The following GPM6A variants were observed in gnomAD, a reference collection of about 807,000 sequenced individuals.
GPM6A encodes glycoprotein M6A.
In GPM6A, 7 loss-of-function variants were observed where a neutral mutation model predicts 32.1. That is an observed-to-expected ratio of 0.22 (90% CI 0.12 to 0.41). The LOEUF is 0.41. Ranked by LOEUF, GPM6A falls within the 10% of genes least tolerant of loss-of-function variation. The pLI is 1.00. For missense variants in GPM6A, 235 were observed against 347.2 expected (o/e 0.68, Z 2.57); for synonymous variants, 130 against 123.4 (o/e 1.05, Z -0.35).
chr4:175,779,241 C>G (rs1191511911), intron 1 of GPM6A, among the ~76,000 whole-genome samples: 1 of 152,088 alleles, frequency 6.6e-6, no homozygotes, highest in Non-Finnish European at 1.5e-5. Flanking sequence ...CAATCGTTAC[C>G]CATTTGATGT....
intron 1 of GPM6A, among the ~76,000 whole-genome samples, chr4:175,977,861 A>G (rs1380394657): frequency 6.6e-6 from 1 of 152,128 alleles, no homozygotes; most frequent in Non-Finnish European, 1.5e-5. Flanking sequence ...GTGACTCCCA[A>G]CTGAACTCTT....
Position 175,902,818 on chromosome 4 carries a change from G to A in GPM6A, c.-22-90569C>T, listed in dbSNP as rs1738009734. ...CTTCTGCTCTTAACGTCACGCTGGT[G>A]TGTCTGCGCCCTAGTTTTCCGTGGC... On this transcript the variant is annotated intron_variant, in intron 1 of 7. Transcript: ENST00000280187. Among the ~76,000 whole-genome samples, 4 of 152,128 alleles carry A rather than the reference G, an allele frequency of 2.6e-5. No individual in the cohort carries two copies. In the South Asian group the frequency reaches 8.3e-4, roughly 32 times the overall value.
At chr4:175,751,754 T>TTTG (rs1553985554) in intron 1 of GPM6A, among the ~76,000 whole-genome samples, 10 of 152,090 alleles carry the variant, frequency 6.6e-5, no homozygotes, top group African/African-American at 2.2e-4. Context: ...TGTTTTTTTT[T>TTTG]TTGTTGTTGT....
intron 4 of GPM6A, among the ~76,000 whole-genome samples, chr4:175,651,159 C>T (rs1741779937): frequency 6.6e-6 from 1 of 152,144 alleles, no homozygotes; most frequent in African/African-American, 2.4e-5. Flanking sequence ...AACAACCCCA[C>T]TGTGCCTCAG....
chr4:175,663,782 G>A (rs1383633174), intron 3 of GPM6A, among the ~76,000 whole-genome samples: 1 of 149,202 alleles, frequency 6.7e-6, no homozygotes, highest in Non-Finnish European at 1.5e-5. Context: ...CAAGCTCCAC[G>A]TCCTGGGTTC....
At chr4:175,974,672 G>C (rs1281004169) in intron 1 of GPM6A, among the ~76,000 whole-genome samples, 1 of 149,160 alleles carries the variant, frequency 6.7e-6, no homozygotes, top group African/African-American at 2.4e-5. Context: ...ACCTCTCCTG[G>C]TACCTTTCCT....
chr4:175,902,654 C>T (rs934400590), intron 1 of GPM6A, among the ~76,000 whole-genome samples: 5 of 151,970 alleles, frequency 3.3e-5, no homozygotes, highest in African/African-American at 1.2e-4. Flanking sequence ...TCTTGTTTGC[C>T]CTATGTAAAT....
chr4:175,642,988 G>T (rs930164596), intron 4 of GPM6A, among the ~76,000 whole-genome samples: 10 of 152,040 alleles, frequency 6.6e-5, no homozygotes, highest in African/African-American at 2.2e-4. Context: ...CTTACCATTT[G>T]CTCAGTCAAA....
At chr4:175,892,122 C>T (rs967796054) in intron 1 of GPM6A, among the ~76,000 whole-genome samples, 11 of 152,178 alleles carry the variant, frequency 7.2e-5, no homozygotes, top group Non-Finnish European at 1.3e-4. Flanking sequence ...AAGCGAACTA[C>T]AATTTACATT....
intron 1 of GPM6A, among the ~76,000 whole-genome samples, chr4:175,756,053 A>G (rs575038440): frequency 6.6e-6 from 1 of 152,276 alleles, no homozygotes; most frequent in South Asian, 2.1e-4. Context: ...AAGGCTGATC[A>G]TATCACTATA....
chr4:175,717,277 T>G (rs934859794), intron 1 of GPM6A, among the ~76,000 whole-genome samples: 2 of 152,144 alleles, frequency 1.3e-5, no homozygotes, highest in African/African-American at 2.4e-5. Context: ...AAATATCTCT[T>G]CCTTAGAGAG....
At chr4:175,897,747 G>C (rs1737841611) in intron 1 of GPM6A, among the ~76,000 whole-genome samples, 1 of 152,130 alleles carries the variant, frequency 6.6e-6, no homozygotes, top group Non-Finnish European at 1.5e-5. Flanking sequence ...ATCTCTCCCA[G>C]AAATTTTAAA....
chr4:175,670,861 AT>A (rs33998725), intron 3 of GPM6A, among the ~76,000 whole-genome samples: 37,807 of 123,910 alleles, frequency 0.31, 4,698 homozygotes, highest in Middle Eastern at 0.43. Context: ...ATGTTGCTTC[AT>A]TTTTTTTTTT....
At chr4:175,915,626 A>T (rs768326400) in intron 1 of GPM6A, among the ~76,000 whole-genome samples, 1 of 152,182 alleles carries the variant, frequency 6.6e-6, no homozygotes, top group Admixed American at 6.5e-5. Context: ...ACAAACAGGC[A>T]ATTTCACAGA....
At chr4:175,962,350 C>CTCCTTCA in intron 1 of GPM6A, 1 of 797,192 alleles carries the variant, frequency 1.3e-6, no homozygotes, top group Non-Finnish European at 2.3e-6. Flanking sequence ...CTTCTTAAGA[C>CTCCTTCA]TCCTTCATCT....
chr4:175,733,623 T>G (rs571929532), intron 1 of GPM6A, among the ~76,000 whole-genome samples: 2 of 152,318 alleles, frequency 1.3e-5, no homozygotes, highest in East Asian at 3.9e-4. Flanking sequence ...CATAACATTC[T>G]TCCACTTAAA....
intron 2 of GPM6A, among the ~76,000 whole-genome samples, chr4:175,700,035 G>T (rs1744790788): frequency 6.6e-6 from 1 of 151,672 alleles, no homozygotes; most frequent in Non-Finnish European, 1.5e-5. Context: ...GGTAATTTTT[G>T]CATTTTTAGT....
At chr4:175,734,999 A>T (rs1186560405) in intron 1 of GPM6A, among the ~76,000 whole-genome samples, 1 of 152,240 alleles carries the variant, frequency 6.6e-6, no homozygotes, top group African/African-American at 2.4e-5. Context: ...TTGAATGCTT[A>T]CTTTATAAAT....
intron 1 of GPM6A, among the ~76,000 whole-genome samples, chr4:175,956,336 A>C (rs970109839): frequency 6.6e-6 from 1 of 152,184 alleles, no homozygotes; most frequent in Non-Finnish European, 1.5e-5. Context: ...TGTAGGGCTT[A>C]ACAATACAAA....
Sources: gnomAD v4.1 joint callset for allele counts (sites outside exome capture counted in the v4.1 genomes callset) on GRCh38, gnomAD v4.1.1 for gene constraint, MANE v1.5 for transcripts, NCBI Gene and HGNC (gene_info 2026-07-23, HGNC 2026-07-21) for gene names.